Variants in SMAD2 observed in about 807,000 individuals in gnomAD.
The protein encoded by SMAD2 is MAD homolog 2.
SMAD2 carries 8 observed loss-of-function variants against 64.4 expected under a neutral mutation model. That is an observed-to-expected ratio of 0.12 (90% CI 0.07 to 0.22). The LOEUF (loss-of-function observed/expected upper bound fraction) is 0.22, where lower values mean the gene tolerates loss of function less well. Among genes scored for constraint, SMAD2 ranks in the 10% least tolerant of loss-of-function variants. The pLI is 1.00. For synonymous variants in SMAD2, 203 were observed against 195.8 expected, an observed-to-expected ratio of 1.04 and a Z score of -0.31; for missense variants, 289 against 561.2, an observed-to-expected ratio of 0.51 and a Z score of 4.90.
chr18:47,865,578 A>G (rs922759466), intron 5 of SMAD2, among the ~76,000 whole-genome samples: 9 of 152,228 alleles, frequency 5.9e-5, no homozygotes, highest in African/African-American at 2.2e-4. Flanking sequence ...TAAAAGTATT[A>G]AATAATACAG....
At position 47,822,590 on chromosome 18, in the gene SMAD2, A is replaced by G. The variant is rs1039616401; in HGVS notation, c.*19237T>C. 1 of 152,282 alleles carries G rather than the reference A, an allele frequency of 6.6e-6. No individual in the cohort carries two copies. Among genetic ancestry groups the G allele is most frequent in the African/African-American group, 2.4e-5 (1 of 41,474 alleles). The allele number at this position is 152,282 out of a possible 1,614,324, so 9.4% of individuals were successfully genotyped here. A position where few individuals can be genotyped will look rare whatever the true frequency, so the allele number is the denominator to read the frequency against. On this transcript the variant is annotated 3_prime_UTR_variant, in exon 11 of 11. Transcript: ENST00000262160. ...TTCTCTCATGCTATCTATAGTTTAC[A>G]GCAATTTGGAATACTTTTGTGAACA...
Position 47,826,442 on chromosome 18 carries a change from T to C in SMAD2, c.*15385A>G, listed in dbSNP as rs1361856071. 1.3e-5 allele frequency: 2 copies of C among 152,264 alleles called. No homozygotes were observed. The highest frequency in any genetic ancestry group is 1.9e-4 in the East Asian group (1 of 5,194). The allele number at this position is 152,264 out of a possible 1,614,324, so 9.4% of individuals were successfully genotyped here. ...TGTTTCTGGTGAATGCTAGTTAGCA[T>C]GAAGCATGCAGACATGAAAGGGAGT... On this transcript the variant is annotated 3_prime_UTR_variant, in exon 11 of 11. Transcript: ENST00000262160.
In SMAD2 at chr18:47,864,237, G is replaced by C. The variant is rs2031396277; in HGVS notation, c.730+822C>G. Among the ~76,000 whole-genome samples, 4 of 152,204 alleles carry C rather than the reference G, an allele frequency of 2.6e-5. No individual in the cohort carries two copies. The South Asian group carries it at 8.3e-4, about 32-fold the overall frequency. On this transcript the variant is annotated intron_variant, in intron 6 of 10. Coordinates refer to ENST00000262160, the MANE Select transcript of SMAD2 (RefSeq NM_005901.6). ...TCCTAAACACCCAAATGTATGATTA[G>C]CTACAGCAGAAACTTCTTTACCTGG...
rs188072742 is a variant in SMAD2 at position 47,892,005 on chromosome 18, T to C, written c.236+4516A>G. ...GTTCATAATTAAGTGTTAACATTTT[T>C]AGAAGTATGCTTTATCAAGCTAAGA... On this transcript the variant is annotated intron_variant, in intron 2 of 10. Transcript: ENST00000262160. Among the ~76,000 whole-genome samples, 17 of 152,328 alleles carry C rather than the reference T, an allele frequency of 1.1e-4. 1 individual carries two copies. The highest frequency in any genetic ancestry group is 6.2e-4 in the South Asian group (3 of 4,824).
intron 1 of SMAD2, among the ~76,000 whole-genome samples, chr18:47,928,287 AC>A (rs1229410487): frequency 6.6e-6 from 1 of 152,234 alleles, no homozygotes; most frequent in Admixed American, 6.5e-5. Context: ...ACAAGGAAAG[AC>A]TTTTAAAACT....
intron 1 of SMAD2, among the ~76,000 whole-genome samples, chr18:47,912,016 C>G (rs970335661): frequency 3.9e-5 from 6 of 152,124 alleles, no homozygotes; most frequent in South Asian, 2.1e-4. Flanking sequence ...TATCCTAGCA[C>G]AGAGAACAGG....
chr18:47,878,739 A>T (rs1219026377), intron 2 of SMAD2, among the ~76,000 whole-genome samples: 8 of 152,230 alleles, frequency 5.3e-5, no homozygotes, highest in Admixed American at 5.2e-4. Flanking sequence ...TACTTCCATG[A>T]ACAAGCTTTC....
intron 1 of SMAD2, among the ~76,000 whole-genome samples, chr18:47,920,639 C>T (rs1241233137): frequency 6.6e-6 from 1 of 152,194 alleles, no homozygotes; most frequent in Non-Finnish European, 1.5e-5. Context: ...CTATTTTGTT[C>T]TCCTTGACTT....
In SMAD2 at chr18:47,834,969, G is replaced by A. The variant is rs1913278154; in HGVS notation, c.*6858C>T. 4 of 223,418 alleles carry A rather than the reference G, an allele frequency of 1.8e-5. No homozygotes were observed. The East Asian group carries it at 2.6e-4, about 14-fold the overall frequency. 13.8% of individuals were successfully genotyped at this position (223,418 alleles called of 1,614,324 possible). A position where few individuals can be genotyped will look rare whatever the true frequency, so the allele number is the denominator to read the frequency against. On this transcript the variant is annotated 3_prime_UTR_variant, in exon 11 of 11. Transcript: ENST00000262160. Reference sequence around the variant, plus strand: ...GTTACTTTTAACTGTGCTCCACCAGGAGGTCTGGCCTTGGGAAAAGATGGC... The same window carrying A: ...GTTACTTTTAACTGTGCTCCACCAGAAGGTCTGGCCTTGGGAAAAGATGGC...
At chr18:47,858,825 A>T (rs761283948) in intron 6 of SMAD2, among the ~76,000 whole-genome samples, 2 of 152,178 alleles carry the variant, frequency 1.3e-5, no homozygotes, top group Non-Finnish European at 2.9e-5. Flanking sequence ...AAATTATTTG[A>T]TTAGTCTAAA....
rs1398841951 is a variant in SMAD2 at position 47,818,141 on chromosome 18, T to G, written c.*23686A>C. The G allele has an allele frequency of 6.6e-6, 1 of 152,130 alleles. No individual in the cohort carries two copies. The highest frequency in any genetic ancestry group is 1.9e-4 in the East Asian group (1 of 5,196). 9.4% of individuals were successfully genotyped at this position (152,130 alleles called of 1,614,324 possible). On this transcript the variant is annotated 3_prime_UTR_variant, in exon 11 of 11. Coordinates refer to ENST00000262160, the MANE Select transcript of SMAD2 (RefSeq NM_005901.6). ...AGTTGATATGTAGAGTCTTCTAAGC[T>G]CTCTAATTTTTTTTCTGCCTACTTT...
intron 10 of SMAD2, among the ~76,000 whole-genome samples, chr18:47,842,539 G>A (rs776130878): frequency 1.3e-5 from 2 of 151,924 alleles, no homozygotes; most frequent in East Asian, 1.9e-4. Flanking sequence ...ACTCTGTCTC[G>A]GGGTGGGGGG....
intron 6 of SMAD2, among the ~76,000 whole-genome samples, chr18:47,856,460 G>T (rs141708157): frequency 6.6e-6 from 1 of 152,280 alleles, no homozygotes; most frequent in East Asian, 1.9e-4. Flanking sequence ...CAATAAAAAT[G>T]TATGCTTTAA....
In SMAD2 at chr18:47,839,273, T is replaced by G; in HGVS notation, c.*2554A>C. 1 of 233,390 alleles carries G rather than the reference T, an allele frequency of 4.3e-6. No homozygotes were observed. The highest frequency in any genetic ancestry group is 8.5e-6 in the Non-Finnish European group (1 of 118,082). The allele number at this position is 233,390 out of a possible 1,614,324, so 14.5% of individuals were successfully genotyped here. Reference sequence around the variant, plus strand: ...GGCACTGCTTGACCTAACACAGTAATGCAAGAGTAACCACCAAGATCAGGA... The same window carrying G: ...GGCACTGCTTGACCTAACACAGTAAGGCAAGAGTAACCACCAAGATCAGGA... On this transcript the variant is annotated 3_prime_UTR_variant, in exon 11 of 11. Coordinates refer to ENST00000262160, the MANE Select transcript of SMAD2 (RefSeq NM_005901.6).
At chr18:47,894,885 G>C (rs1052204953) in intron 2 of SMAD2, among the ~76,000 whole-genome samples, 5 of 152,122 alleles carry the variant, frequency 3.3e-5, no homozygotes, top group Non-Finnish European at 7.4e-5. Context: ...AATATAGCTT[G>C]ACTTCTCAGC....
chr18:47,844,873 G>T, intron 10 of SMAD2: 1 of 212,704 alleles, frequency 4.7e-6, no homozygotes, highest in Non-Finnish European at 9.4e-6. Context: ...CATCTAGTTT[G>T]TCTCAATTTA....
At chr18:47,928,007 G>A (rs1286651511) in intron 1 of SMAD2, among the ~76,000 whole-genome samples, 6 of 152,114 alleles carry the variant, frequency 3.9e-5, no homozygotes, top group Non-Finnish European at 5.9e-5. Flanking sequence ...GGAATACTTA[G>A]GGGAAAACAT....
intron 2 of SMAD2, among the ~76,000 whole-genome samples, chr18:47,874,556 C>T (rs181616361): frequency 6.6e-6 from 1 of 152,060 alleles, no homozygotes; most frequent in Admixed American, 6.6e-5. Flanking sequence ...AGGAAAAACA[C>T]AAAAGAATGC....
At chr18:47,904,432 A>T (rs990574769) in intron 1 of SMAD2, among the ~76,000 whole-genome samples, 2 of 151,890 alleles carry the variant, frequency 1.3e-5, no homozygotes, top group African/African-American at 4.8e-5. Flanking sequence ...TTCACTCTGT[A>T]ACAATAACCA....
Sources: gnomAD v4.1 joint callset for allele counts (sites outside exome capture counted in the v4.1 genomes callset) on GRCh38, gnomAD v4.1.1 for gene constraint, MANE v1.5 for transcripts, NCBI Gene and HGNC (gene_info 2026-07-23, HGNC 2026-07-21) for gene names.